The following JMY variants were observed in gnomAD, a reference collection of about 807,000 sequenced individuals.
The protein encoded by JMY is junction-mediating and -regulatory protein.
In JMY, 46 loss-of-function variants were observed where a neutral mutation model predicts 103.3. The ratio of observed to expected loss-of-function variants is 0.45; its 90% CI spans 0.35 to 0.57. The LOEUF (loss-of-function observed/expected upper bound fraction) is 0.57. Among genes scored for constraint, JMY ranks in the 20% least tolerant of loss-of-function variants. The pLI is 0.00. For synonymous variants in JMY, 526 were observed against 489.3 expected, an observed-to-expected ratio of 1.07 and a Z score of -0.99; for missense variants, 1,238 against 1,255.2, an observed-to-expected ratio of 0.99 and a Z score of 0.21.
intron 1 of JMY, among the ~76,000 whole-genome samples, chr5:79,242,903 C>G (rs1377145527): frequency 1.3e-5 from 2 of 151,998 alleles, no homozygotes; most frequent in African/African-American, 4.8e-5. Flanking sequence ...TTTGCTTCAG[C>G]CTCCCAAGTA....
chr5:79,281,245 T>C (rs1272183754), intron 2 of JMY, among the ~76,000 whole-genome samples: 1 of 151,588 alleles, frequency 6.6e-6, no homozygotes, highest in Non-Finnish European at 1.5e-5. Context: ...GGGGTTTCAC[T>C]GTGTTGGCCA....
At chr5:79,260,641 T>A (rs1042469056) in intron 1 of JMY, among the ~76,000 whole-genome samples, 2 of 151,666 alleles carry the variant, frequency 1.3e-5, no homozygotes, top group Admixed American at 6.6e-5. Context: ...TCCACCCACC[T>A]TGGCCTCCCA....
At chr5:79,278,577 C>G (rs912401288) in intron 2 of JMY, among the ~76,000 whole-genome samples, 1 of 108,074 alleles carries the variant, frequency 9.3e-6, no homozygotes, top group Non-Finnish European at 1.8e-5. Flanking sequence ...ACGGAGAACC[C>G]GTCTCTACAA....
In JMY at chr5:79,326,315, GT is replaced by G. The variant is rs893119247; in HGVS notation, c.*4715del. 6.8e-6 allele frequency: 1 copy of G among 147,664 alleles called. No homozygotes were observed. Among genetic ancestry groups the G allele is most frequent in the African/African-American group, 2.6e-5 (1 of 38,956 alleles). The allele number at this position is 147,664 out of a possible 1,614,324, so 9.1% of individuals were successfully genotyped here. A position where few individuals can be genotyped will look rare whatever the true frequency, so the allele number is the denominator to read the frequency against. ...ACAAGGTATGGATGTTGGTTACAGAGTTCAGTTTTAACAAGGGAAATTTGGG... is the reference window on the plus strand; with the variant it reads ...ACAAGGTATGGATGTTGGTTACAGAGTCAGTTTTAACAAGGGAAATTTGGG... On this transcript the variant is annotated 3_prime_UTR_variant, in exon 11 of 11. Coordinates refer to ENST00000396137, the MANE Select transcript of JMY (RefSeq NM_152405.5).
chr5:79,296,073 C>G (rs1416497180), intron 4 of JMY, among the ~76,000 whole-genome samples: 4 of 151,900 alleles, frequency 2.6e-5, no homozygotes, highest in Non-Finnish European at 5.9e-5. Context: ...AGATATATTT[C>G]AGAATCCCAG....
intron 4 of JMY, among the ~76,000 whole-genome samples, chr5:79,291,949 AAT>A (rs1227537846): frequency 1.3e-5 from 2 of 152,180 alleles, no homozygotes; most frequent in African/African-American, 2.4e-5. Context: ...CATTATGTAA[AAT>A]ATGTATTTTT....
At chr5:79,316,578 G>C (rs961880991) in intron 10 of JMY, among the ~76,000 whole-genome samples, 2 of 151,812 alleles carry the variant, frequency 1.3e-5, no homozygotes, top group Admixed American at 1.3e-4. Flanking sequence ...AGCTGTAATT[G>C]CAAGTAAAGT....
intron 2 of JMY, among the ~76,000 whole-genome samples, chr5:79,287,429 A>T (rs1746299586): frequency 6.6e-6 from 1 of 152,244 alleles, no homozygotes; most frequent in Admixed American, 6.5e-5. Context: ...TTTTAGGTAC[A>T]ATCGACTAAT....
chr5:79,241,539 C>T (rs952036665), intron 1 of JMY, among the ~76,000 whole-genome samples: 6 of 152,002 alleles, frequency 3.9e-5, no homozygotes. Context: ...GAGGTTTTTA[C>T]TTGGGGATGG....
Position 79,237,263 on chromosome 5 carries a change from C to T in JMY, c.613C>T (p.Pro205Ser), listed in dbSNP as rs1401298231. The change falls in exon 1 of 11, where the codon CCT (proline) becomes TCT (serine). Residue 205 changes from proline to serine, a missense_variant. Transcript: ENST00000396137. The stretch of plus-strand genomic sequence containing the variant: ...GGAAATGGTGAAGGAGGACGAGGCA[C>T]CTCTGGCGCTCTCGGACGCGGAGCA... ...VLEMVKEDEA[P>S]LALSDAEQPP... is the part of the protein sequence containing the mutation. 1.3e-6 allele frequency: 2 copies of T among 1,551,526 alleles called. No individual in the cohort carries two copies. Among genetic ancestry groups the T allele is most frequent in the African/African-American group, 1.4e-5 (1 of 73,080 alleles).
At chr5:79,314,182 A>C in intron 8 of JMY, 75 bp from the exon 9 acceptor site, 1 of 1,524,188 alleles carries the variant, frequency 6.6e-7, no homozygotes, top group Non-Finnish European at 8.8e-7. Flanking sequence ...TATTTGAAGG[A>C]GAAAATAAAT....
At chr5:79,261,913 C>T (rs189798608) in intron 1 of JMY, among the ~76,000 whole-genome samples, 2 of 152,354 alleles carry the variant, frequency 1.3e-5, no homozygotes, top group East Asian at 3.9e-4. Flanking sequence ...GCGTGAGCCA[C>T]CATGCCCAAC....
At chr5:79,284,355 G>A in intron 2 of JMY, 1 of 1,283,774 alleles carries the variant, frequency 7.8e-7, no homozygotes, top group Non-Finnish European at 1.1e-6. Flanking sequence ...ATGCTGTCTG[G>A]AATCAATTTA....
chr5:79,313,245 T>C (rs1421486574), intron 8 of JMY, among the ~76,000 whole-genome samples: 2 of 152,080 alleles, frequency 1.3e-5, no homozygotes, highest in Non-Finnish European at 2.9e-5. Flanking sequence ...CTGGGTAACA[T>C]GGCGAAACCC....
chr5:79,246,417 A>G (rs1275710612), intron 1 of JMY, among the ~76,000 whole-genome samples: 5 of 152,180 alleles, frequency 3.3e-5, no homozygotes, highest in Admixed American at 1.3e-4. Flanking sequence ...ATCTTTGTGT[A>G]CATTATCTCA....
chr5:79,236,835 CG>C lies in JMY; in HGVS notation c.190del (p.Ala64ArgfsTer119). ...CAGAGGAGCGGCTCCCGGGAGCAAG[CG>C]GGGGCGCGAGGGGGCGCCGAGGCCG... ...QRQRSGSREQ[A>X]GARGGAEAGG... On this transcript the variant is annotated frameshift_variant, in exon 1 of 11. Transcript: ENST00000396137. LOFTEE classifies it high-confidence loss of function. 6.9e-7 allele frequency: 1 copy of C among 1,455,712 alleles called. No homozygotes were observed. Among genetic ancestry groups the C allele is most frequent in the Non-Finnish European group, 9.1e-7 (1 of 1,098,578 alleles). 90.2% of individuals were successfully genotyped at this position (1,455,712 alleles called of 1,614,324 possible). A position where few individuals can be genotyped will look rare whatever the true frequency, so the allele number is the denominator to read the frequency against.
intron 6 of JMY, among the ~76,000 whole-genome samples, chr5:79,303,633 A>G (rs746621522): frequency 6.6e-6 from 1 of 152,176 alleles, no homozygotes; most frequent in African/African-American, 2.4e-5. Flanking sequence ...AAGTGTGTGC[A>G]GAAGAACGGG....
chr5:79,274,492 C>T (rs1745879579), intron 1 of JMY, among the ~76,000 whole-genome samples: 1 of 152,074 alleles, frequency 6.6e-6, no homozygotes, highest in South Asian at 2.1e-4. Context: ...ATTGCAACCT[C>T]TGCCTCCTGG....
intron 2 of JMY, among the ~76,000 whole-genome samples, chr5:79,285,115 A>G (rs1480256160): frequency 6.6e-6 from 1 of 152,198 alleles, no homozygotes; most frequent in African/African-American, 2.4e-5. Context: ...CTGAAAGTAA[A>G]TAAGCTAGAA....
Sources: gnomAD v4.1 joint callset for allele counts (sites outside exome capture counted in the v4.1 genomes callset) on GRCh38, gnomAD v4.1.1 for gene constraint, MANE v1.5 for transcripts, NCBI Gene and HGNC (gene_info 2026-07-23, HGNC 2026-07-21) for gene names.